NDST1: variants seen among roughly 807,000 people sequenced by gnomAD.
The protein encoded by NDST1 is N-deacetylase and N-sulfotransferase 1.
Under a neutral mutation model 92.8 loss-of-function variants are expected in NDST1, and 35 were observed. The ratio of observed to expected loss-of-function variants is 0.38; its 90% CI spans 0.29 to 0.50. The LOEUF (loss-of-function observed/expected upper bound fraction) is 0.50. NDST1 is among the 20% of genes least tolerant of loss of function. NDST1 has a pLI of 0.94. For missense variants in NDST1, 822 were observed against 1,182.7 expected (o/e 0.69, Z 4.47); for synonymous variants, 493 against 500.3 (o/e 0.99, Z 0.19).
chr5:150,499,524 A>G lies in NDST1; in HGVS notation c.-388+1285A>G, dbSNP rs1285859462. ...GAATCACCTTTGTGTCCCTCGAAGC[A>G]TGGAAGCATTGGAGCATCATGCTTA... is the stretch of plus-strand genomic sequence containing the variant. On this transcript the variant is annotated intron_variant, in intron 1 of 1. Transcript: ENST00000518299. 2.6e-5 allele frequency among the ~76,000 whole-genome samples: 4 copies of G among 152,220 alleles called. No individual in the cohort carries two copies. The East Asian group carries it at 7.7e-4, about 29-fold the overall frequency.
At position 150,542,880 on chromosome 5, in the gene NDST1, C is replaced by T. The variant is rs766050569; in HGVS notation, c.1879C>T (p.His627Tyr). ...TTALYLFLGM[H>Y]PDLSSNYPSS... ...TGCCCTCTACCTGTTCCTGGGCATGCACCCTGACCTAAGCAGCAACTACCC... is the reference window on the plus strand; with the variant it reads ...TGCCCTCTACCTGTTCCTGGGCATGTACCCTGACCTAAGCAGCAACTACCC... The change falls in exon 10 of 15, where the codon CAC (histidine) becomes TAC (tyrosine). Residue 627 changes from histidine to tyrosine, a missense_variant. Coordinates refer to ENST00000261797, the MANE Select transcript of NDST1 (RefSeq NM_001543.5). The T allele has an allele frequency of 6.2e-7, 1 of 1,614,180 alleles. No individual in the cohort carries two copies. Among genetic ancestry groups the T allele is most frequent in the Admixed American group, 1.7e-5 (1 of 60,034 alleles).
upstream of NDST1, chr5:150,507,542 A>G (rs1263832551): frequency 6.6e-6 from 1 of 152,270 alleles, no homozygotes; most frequent in Non-Finnish European, 1.5e-5. Flanking sequence ...TACACCCTCC[A>G]CACCTTTGCC....
At chr5:150,499,665 C>T (rs924213844) in intron 1 of NDST1, among the ~76,000 whole-genome samples, 1 of 152,238 alleles carries the variant, frequency 6.6e-6, no homozygotes, top group African/African-American at 2.4e-5. Context: ...GCCTCTGGGT[C>T]AGCCTGCTCT....
In NDST1 at chr5:150,553,549, C is replaced by A; in HGVS notation, c.*217C>A. On this transcript the variant is annotated 3_prime_UTR_variant, in exon 15 of 15. Transcript: ENST00000261797. This position sits in a 1 kb window ranked among gnomAD's most constrained non-coding sequence, Gnocchi z 4.2. ...TCTGCGGCCTAAGGGACCTCCCTCG[C>A]CAGCAGAGGTCCATTCCGTTCCCAG... 1 of 590,546 alleles carries A rather than the reference C, an allele frequency of 1.7e-6. No individual in the cohort carries two copies. The allele number at this position is 590,546 out of a possible 1,614,324, so 36.6% of individuals were successfully genotyped here.
intron 1 of NDST1, among the ~76,000 whole-genome samples, chr5:150,500,833 C>A (rs1293410914): frequency 6.6e-6 from 1 of 152,230 alleles, no homozygotes; most frequent in Non-Finnish European, 1.5e-5. Flanking sequence ...AGGGAAGACA[C>A]TCTCCTAATG....
At chr5:150,532,525 CT>C (rs11366392) in intron 3 of NDST1, among the ~76,000 whole-genome samples, 58,957 of 150,686 alleles carry the variant, frequency 0.39, 11,865 homozygotes, top group Admixed American at 0.43. Flanking sequence ...TCTTGACATT[CT>C]TTTTTTTTTG....
At chr5:150,517,426 C>T (rs1754028174) in intron 1 of NDST1, among the ~76,000 whole-genome samples, 3 of 152,064 alleles carry the variant, frequency 2.0e-5, no homozygotes, top group African/African-American at 7.2e-5. Flanking sequence ...AGGTGTGAGC[C>T]ACTGTGCCCA....
At position 150,553,384 on chromosome 5, in the gene NDST1, C is replaced by CA; in HGVS notation, c.*53dup. 6.2e-7 allele frequency: 1 copy of CA among 1,601,482 alleles called. No individual in the cohort carries two copies. ...GTTTGTGAAAGCTGGGACATCCCAC[C>CA]ACACGCTGAGCCAGACCTGCAGAGT... is the stretch of plus-strand genomic sequence containing the variant. On this transcript the variant is annotated 3_prime_UTR_variant, in exon 15 of 15. Coordinates refer to ENST00000261797, the MANE Select transcript of NDST1 (RefSeq NM_001543.5). The surrounding 1 kb of genome is among the most constrained non-coding windows in gnomAD (Gnocchi z 4.2).
At chr5:150,545,991 C>CTTTTTTTTTTTTTTTTTTTTTTTTT in intron 11 of NDST1, among the ~76,000 whole-genome samples, 1 of 83,690 alleles carries the variant, frequency 1.2e-5, no homozygotes, top group Non-Finnish European at 2.3e-5. Context: ...CCAGAGCTGT[C>CTTTTTTTTTTTTTTTTTTTTTTTTT]TTTTTTTTTT....
At position 150,521,215 on chromosome 5, in the gene NDST1, G is replaced by A; in HGVS notation, c.-40G>A. On this transcript the variant is annotated 5_prime_UTR_variant, in exon 2 of 15. Transcript: ENST00000261797. The surrounding 1 kb of genome is among the most constrained non-coding windows in gnomAD (Gnocchi z 5.9). ...TGTGTGGGGCCTTGGGGTAGCCAGG[G>A]CAGGCCGGGCCTCCGGTGGCCAAGG... The A allele has an allele frequency of 6.3e-7, 1 of 1,577,338 alleles. No homozygotes were observed. The highest frequency in any genetic ancestry group is 8.6e-7 in the Non-Finnish European group (1 of 1,165,784).
Position 150,548,302 on chromosome 5 carries a change from C to T in NDST1, c.2230C>T (p.Leu744=). The T allele has an allele frequency of 6.2e-7, 1 of 1,614,144 alleles. No individual in the cohort carries two copies. The highest frequency in any genetic ancestry group is 1.6e-4 in the Middle Eastern group (1 of 6,062). The change falls in exon 12 of 15, where the codon CTG becomes TTG. Residue 744 remains leucine, a synonymous_variant. Coordinates refer to ENST00000261797, the MANE Select transcript of NDST1 (RefSeq NM_001543.5). ...CGCCGGCTCTGACGCATCCTCGAAG[C>T]TGCGTGCCCTCCAGAACCGCTGCCT... is the stretch of plus-strand genomic sequence containing the variant. ...ITAGSDASSK[L]RALQNRCLVP...
At chr5:150,525,879 A>G (rs763260285) in intron 2 of NDST1, among the ~76,000 whole-genome samples, 7 of 152,024 alleles carry the variant, frequency 4.6e-5, no homozygotes, top group African/African-American at 1.5e-4. Flanking sequence ...CTCACTCTCC[A>G]GGCAGCAGCC....
intron 4 of NDST1, among the ~76,000 whole-genome samples, chr5:150,533,769 TA>T (rs1387797485): frequency 6.6e-6 from 1 of 152,184 alleles, no homozygotes; most frequent in African/African-American, 2.4e-5. Context: ...CTGTATTTTT[TA>T]TATTCTTTTT....
intron 11 of NDST1, among the ~76,000 whole-genome samples, chr5:150,546,746 C>T (rs1236953378): frequency 3.3e-5 from 5 of 152,280 alleles, no homozygotes; most frequent in African/African-American, 1.2e-4. Flanking sequence ...GCACCTGCCT[C>T]CTCTTTGCTC....
Position 150,528,122 on chromosome 5 carries a change from C to T in NDST1, c.832C>T (p.Arg278Cys), listed in dbSNP as rs1754552673. The T allele has an allele frequency of 6.2e-6, 10 of 1,614,174 alleles. No individual in the cohort carries two copies. Among genetic ancestry groups the T allele is most frequent in the Non-Finnish European group, 8.5e-6 (10 of 1,179,998 alleles). Reference protein sequence around the residue: ...QDLGLHDGIQRVLFGNNLNFW... With the variant: ...QDLGLHDGIQCVLFGNNLNFW... ...CCTGGGCCTGCACGACGGCATCCAG[C>T]GCGTGCTGTTTGGCAACAACCTGAA... The change falls in exon 3 of 15, where the codon CGC becomes TGC. Residue 278 changes from arginine to cysteine, a missense_variant. Physicochemically the swap from Arg to Cys is radical, Grantham distance 180. Coordinates refer to ENST00000261797, the MANE Select transcript of NDST1 (RefSeq NM_001543.5).
In NDST1 at chr5:150,527,091, C is replaced by T. The variant is rs111503600; in HGVS notation, c.514-713C>T. Among the ~76,000 whole-genome samples the T allele has an allele frequency of 1.6e-3, 238 of 152,346 alleles. 1 individual carries two copies. The highest frequency in any genetic ancestry group is 5.3e-3 in the African/African-American group (221 of 41,572). On this transcript the variant is annotated intron_variant, in intron 2 of 14. Transcript: ENST00000261797. Reference sequence around the variant, plus strand: ...AAGATGTCTCCTGAAGAAAAGGTTGCGTGGCCAGAGGCAGTTTGGAAACCC... The same window carrying T: ...AAGATGTCTCCTGAAGAAAAGGTTGTGTGGCCAGAGGCAGTTTGGAAACCC...
chr5:150,552,445 G>C (rs1196476014), intron 14 of NDST1: 2 of 162,516 alleles, frequency 1.2e-5, no homozygotes, highest in East Asian at 1.8e-4. Context: ...TGGGGGTCTT[G>C]TTACTTCCTC....
chr5:150,523,864 TC>T (rs1317450302), intron 2 of NDST1, among the ~76,000 whole-genome samples: 8 of 152,222 alleles, frequency 5.3e-5, no homozygotes, highest in African/African-American at 1.2e-4. Flanking sequence ...TTGGTGCTCT[TC>T]CTACCCTGTT....
chr5:150,538,502 C>T (rs879350643), intron 6 of NDST1, among the ~76,000 whole-genome samples: 1 of 152,110 alleles, frequency 6.6e-6, no homozygotes, highest in Non-Finnish European at 1.5e-5. Context: ...ATACTCTGGG[C>T]TTAGAATAGT....
Sources: allele counts gnomAD v4.1 joint callset (sites outside exome capture counted in the v4.1 genomes callset), GRCh38; gene constraint gnomAD v4.1.1; non-coding constraint Gnocchi (gnomAD v3.1); transcripts MANE v1.5; gene names NCBI Gene and HGNC (gene_info 2026-07-23, HGNC 2026-07-21).